The following AUTS2 variants were observed in gnomAD, a reference collection of about 807,000 sequenced individuals.
The protein encoded by AUTS2 is autism susceptibility gene 2 protein.
Under a neutral mutation model 112.4 loss-of-function variants are expected in AUTS2, and 17 were observed. The observed-to-expected ratio is 0.15, with a 90% CI of 0.10 to 0.23. The LOEUF (loss-of-function observed/expected upper bound fraction) is 0.23. AUTS2 is among the 10% of genes least tolerant of loss of function. The pLI is 1.00. For missense variants in AUTS2, 1,510 were observed against 1,701.6 expected, an observed-to-expected ratio of 0.89 and a Z score of 1.98; for synonymous variants, 751 against 702.7, an observed-to-expected ratio of 1.07 and a Z score of -1.09.
intron 2 of AUTS2, among the ~76,000 whole-genome samples, chr7:69,985,658 C>T (rs1798481075): frequency 6.6e-6 from 1 of 152,214 alleles, no homozygotes; most frequent in South Asian, 2.1e-4. Context: ...CTCTACCACA[C>T]ATCCCCATGT....
chr7:70,426,241 A>G (rs545248165), intron 4 of AUTS2, among the ~76,000 whole-genome samples: 1 of 152,178 alleles, frequency 6.6e-6, no homozygotes, highest in South Asian at 2.1e-4. Flanking sequence ...AGTCTTAAGC[A>G]CCCTTCTCTT....
At chr7:70,011,967 A>C (rs1799825990) in intron 2 of AUTS2, among the ~76,000 whole-genome samples, 1 of 151,986 alleles carries the variant, frequency 6.6e-6, no homozygotes. Flanking sequence ...GGAACCATTG[A>C]GTTTTTTCAC....
At chr7:70,333,510 A>C (rs1405132805) in intron 4 of AUTS2, among the ~76,000 whole-genome samples, 3 of 152,224 alleles carry the variant, frequency 2.0e-5, no homozygotes, top group Non-Finnish European at 2.9e-5. Context: ...ATGCACACAT[A>C]TGTTTATTGC....
chr7:70,451,216 G>A (rs1302146753), intron 5 of AUTS2, among the ~76,000 whole-genome samples: 1 of 152,120 alleles, frequency 6.6e-6, no homozygotes, highest in Non-Finnish European at 1.5e-5. Flanking sequence ...GGGACTAGTA[G>A]AGAGGGAAGG....
At position 70,772,110 on chromosome 7, in the gene AUTS2, C is replaced by A. The variant is rs61687916; in HGVS notation, c.1830+466C>A. On this transcript the variant is annotated intron_variant, in intron 11 of 18. Coordinates refer to ENST00000342771, the MANE Select transcript of AUTS2 (RefSeq NM_015570.4). ...TATCCTATGAATTCTCATTCTCCCT[C>A]ATTTCCCTCGCCAACCCCATCGGCT... 3.1e-3 allele frequency among the ~76,000 whole-genome samples: 472 copies of A among 152,286 alleles called. 1 individual carries two copies. The highest frequency in any genetic ancestry group is 0.011 in the African/African-American group (459 of 41,548).
intron 5 of AUTS2, among the ~76,000 whole-genome samples, chr7:70,468,960 T>C (rs1206498455): frequency 6.6e-6 from 1 of 152,224 alleles, no homozygotes; most frequent in Non-Finnish European, 1.5e-5. Context: ...ATGGTCGCTC[T>C]ACAGTTTCGT....
intron 1 of AUTS2, among the ~76,000 whole-genome samples, chr7:69,852,239 G>A (rs1321969527): frequency 6.6e-6 from 1 of 152,148 alleles, no homozygotes; most frequent in South Asian, 2.1e-4. Context: ...TATTGAACCA[G>A]CTTTGCATCC....
chr7:70,656,782 A>G (rs1806790650), intron 5 of AUTS2, among the ~76,000 whole-genome samples: 1 of 152,172 alleles, frequency 6.6e-6, no homozygotes, highest in Non-Finnish European at 1.5e-5. Context: ...AGCCACAGAT[A>G]ACCCGGCCAT....
chr7:69,661,693 A>T (rs906056948), intron 1 of AUTS2, among the ~76,000 whole-genome samples: 2 of 152,226 alleles, frequency 1.3e-5, no homozygotes, highest in African/African-American at 4.8e-5. Flanking sequence ...TCACTGAGGT[A>T]GTGTTCCACA....
Position 69,814,475 on chromosome 7 carries a change from G to A in AUTS2, c.310-84811G>A, listed in dbSNP as rs73706232. ...GGCCGGCAGGGTGTCTGTGTGACGT[G>A]GACCCATTGTGTGTATGGGCTCCTC... On this transcript the variant is annotated intron_variant, in intron 1 of 18. Coordinates refer to ENST00000342771, the MANE Select transcript of AUTS2 (RefSeq NM_015570.4). 1.5e-3 allele frequency among the ~76,000 whole-genome samples: 229 copies of A among 152,330 alleles called. 1 individual carries two copies. Among genetic ancestry groups the A allele is most frequent in the African/African-American group, 5.2e-3 (218 of 41,580 alleles).
chr7:70,594,215 C>T (rs1411473056), intron 5 of AUTS2, among the ~76,000 whole-genome samples: 1 of 152,198 alleles, frequency 6.6e-6, no homozygotes, highest in Non-Finnish European at 1.5e-5. Context: ...TTGACCCTGA[C>T]CTTTGCTCTG....
intron 4 of AUTS2, among the ~76,000 whole-genome samples, chr7:70,413,346 A>G (rs1341275927): frequency 6.6e-6 from 1 of 152,160 alleles, no homozygotes; most frequent in Non-Finnish European, 1.5e-5. Flanking sequence ...TCAGTAAATG[A>G]TTGCTGAAGG....
rs149798985 is a variant in AUTS2 at position 69,764,288 on chromosome 7, T to C, written c.310-134998T>C. On this transcript the variant is annotated intron_variant, in intron 1 of 18. Coordinates refer to ENST00000342771, the MANE Select transcript of AUTS2 (RefSeq NM_015570.4). ...AACATGATTTATGTAACATGGGCTCTTGCTAGCTGGGATGAACACTGGAGC... is the reference window on the plus strand; with the variant it reads ...AACATGATTTATGTAACATGGGCTCCTGCTAGCTGGGATGAACACTGGAGC... 1.3e-4 allele frequency among the ~76,000 whole-genome samples: 20 copies of C among 152,244 alleles called. No individual in the cohort carries two copies. In the East Asian group the frequency reaches 3.9e-3, roughly 29 times the overall value.
chr7:70,558,280 C>T (rs1279204937), intron 5 of AUTS2, among the ~76,000 whole-genome samples: 8 of 152,140 alleles, frequency 5.3e-5, no homozygotes, highest in Admixed American at 3.9e-4. Flanking sequence ...AGGAACAAAT[C>T]GCCACTCATG....
intron 1 of AUTS2, among the ~76,000 whole-genome samples, chr7:69,797,676 G>A (rs1176134382): frequency 2.6e-5 from 4 of 151,884 alleles, no homozygotes; most frequent in Non-Finnish European, 5.9e-5. Flanking sequence ...AGCCACAATG[G>A]GCTTCCTTAT....
intron 2 of AUTS2, among the ~76,000 whole-genome samples, chr7:69,960,651 G>A (rs1797393211): frequency 6.6e-6 from 1 of 152,148 alleles, no homozygotes; most frequent in Admixed American, 6.6e-5. Flanking sequence ...ATTTGTTGGA[G>A]AGATGAACAT....
chr7:69,757,872 CT>C (rs1293515689), intron 1 of AUTS2, among the ~76,000 whole-genome samples: 6 of 152,176 alleles, frequency 3.9e-5, no homozygotes, highest in African/African-American at 1.4e-4. Flanking sequence ...TACATGCTTC[CT>C]CTCTACACAT....
At chr7:70,080,959 A>G (rs902201439) in intron 2 of AUTS2, among the ~76,000 whole-genome samples, 1 of 152,214 alleles carries the variant, frequency 6.6e-6, no homozygotes, top group African/African-American at 2.4e-5. Flanking sequence ...GGAACCCAAC[A>G]CATTGAAAGA....
intron 5 of AUTS2, among the ~76,000 whole-genome samples, chr7:70,636,101 A>C (rs1405802443): frequency 6.6e-6 from 1 of 152,190 alleles, no homozygotes; most frequent in Non-Finnish European, 1.5e-5. Context: ...TTCAGACTCA[A>C]ATTCTTAAGA....
Sources: gnomAD v4.1 joint callset for allele counts (sites outside exome capture counted in the v4.1 genomes callset) on GRCh38, gnomAD v4.1.1 for gene constraint, MANE v1.5 for transcripts, NCBI Gene and HGNC (gene_info 2026-07-23, HGNC 2026-07-21) for gene names.